SHISA9: variants seen among roughly 807,000 people sequenced by gnomAD.
The protein encoded by SHISA9 is shisa family member 9, also known as protein shisa-9.
Under a neutral mutation model 38.0 loss-of-function variants are expected in SHISA9, and 13 were observed. The ratio of observed to expected loss-of-function variants is 0.34; its 90% CI spans 0.22 to 0.54. The LOEUF is 0.54. Among genes scored for constraint, SHISA9 ranks in the 20% least tolerant of loss-of-function variants. The pLI is 0.91. For missense variants in SHISA9, 538 were observed against 575.8 expected (o/e 0.93, Z 0.67); for synonymous variants, 275 against 242.0 (o/e 1.14, Z -1.27).
intron 2 of SHISA9, among the ~76,000 whole-genome samples, chr16:13,191,488 T>C (rs2050884995): frequency 6.6e-6 from 1 of 152,212 alleles, no homozygotes; most frequent in Non-Finnish European, 1.5e-5. Flanking sequence ...TTACTATGTT[T>C]CAGTGCGTTG....
At chr16:13,176,926 G>A (rs911081871) in intron 2 of SHISA9, among the ~76,000 whole-genome samples, 1 of 152,052 alleles carries the variant, frequency 6.6e-6, no homozygotes, top group Admixed American at 6.5e-5. Flanking sequence ...TCATCTGAGT[G>A]GTTACTCGGA....
intron 1 of SHISA9, among the ~76,000 whole-genome samples, chr16:12,905,020 A>G (rs2071074041): frequency 6.6e-6 from 1 of 152,048 alleles, no homozygotes; most frequent in Non-Finnish European, 1.5e-5. Flanking sequence ...GCCCGATTGC[A>G]TCTGCACCTT....
intron 2 of SHISA9, among the ~76,000 whole-genome samples, chr16:13,006,237 A>G (rs980125448): frequency 2.6e-5 from 4 of 152,194 alleles, no homozygotes; most frequent in African/African-American, 9.7e-5. Flanking sequence ...GACCAGAGTG[A>G]CCTCAGCAAC....
At chr16:13,190,659 G>T (rs1439787108) in intron 2 of SHISA9, among the ~76,000 whole-genome samples, 2 of 152,152 alleles carry the variant, frequency 1.3e-5, no homozygotes, top group Non-Finnish European at 2.9e-5. Context: ...CCATGCTGCG[G>T]ATCTGCCTCC....
chr16:13,114,110 G>A (rs2074006220), intron 2 of SHISA9, among the ~76,000 whole-genome samples: 1 of 152,034 alleles, frequency 6.6e-6, no homozygotes, highest in Non-Finnish European at 1.5e-5. Context: ...CAATATTGAA[G>A]GCTCCCCCAC....
chr16:13,498,198 C>A, the SHISA9 span, among the ~76,000 whole-genome samples: 2 of 151,970 alleles, frequency 1.3e-5, no homozygotes, highest in Non-Finnish European at 2.9e-5. Context: ...CCCTAAATGA[C>A]AAATTGATAC....
At chr16:13,512,664 T>G in the SHISA9 span, among the ~76,000 whole-genome samples, 49 of 152,246 alleles carry the variant, frequency 3.2e-4, no homozygotes, top group African/African-American at 1.1e-3. Context: ...AACAGACATA[T>G]AGACCAGTGG....
chr16:13,349,287 T>A, the SHISA9 span, among the ~76,000 whole-genome samples: 3,229 of 152,318 alleles, frequency 0.021, 58 homozygotes, highest in African/African-American at 0.04. Flanking sequence ...TGTTAACACA[T>A]AGTGACTTGC....
chr16:13,017,859 C>T (rs750623763), intron 2 of SHISA9, among the ~76,000 whole-genome samples: 3 of 152,186 alleles, frequency 2.0e-5, no homozygotes, highest in Non-Finnish European at 2.9e-5. Context: ...GCATTCAATC[C>T]AGAATGTCTT....
the SHISA9 span, among the ~76,000 whole-genome samples, chr16:13,255,098 T>A: frequency 6.6e-6 from 1 of 152,218 alleles, no homozygotes; most frequent in African/African-American, 2.4e-5. Flanking sequence ...AGGACATCAC[T>A]GATGCCTGTT....
the SHISA9 span, among the ~76,000 whole-genome samples, chr16:13,388,923 A>T: frequency 6.6e-6 from 1 of 152,148 alleles, no homozygotes; most frequent in Non-Finnish European, 1.5e-5. Flanking sequence ...TTTTATAGAC[A>T]TTATTTTTTG....
the SHISA9 span, chr16:13,458,291 G>A: frequency 4.0e-6 from 1 of 252,810 alleles, no homozygotes; most frequent in South Asian, 4.4e-5. Context: ...GCTCTCAGGG[G>A]ATCATGGGAG....
chr16:13,362,178 A>G, the SHISA9 span, among the ~76,000 whole-genome samples: 166 of 151,212 alleles, frequency 1.1e-3, 1 homozygote, highest in African/African-American at 3.8e-3. Flanking sequence ...AGCCTGGGCA[A>G]CATAGCAAGA....
chr16:13,151,296 G>A (rs2050497175), intron 2 of SHISA9, among the ~76,000 whole-genome samples: 1 of 151,954 alleles, frequency 6.6e-6, no homozygotes. Flanking sequence ...TAGTAGAGAT[G>A]GGGTTTCACC....
intron 2 of SHISA9, among the ~76,000 whole-genome samples, chr16:13,057,648 T>A (rs2073325990): frequency 6.6e-6 from 1 of 152,190 alleles, no homozygotes; most frequent in Admixed American, 6.5e-5. Context: ...ACTTTTTTAT[T>A]TTTAATTTAA....
chr16:13,103,424 T>C (rs555790570), intron 2 of SHISA9, among the ~76,000 whole-genome samples: 157 of 152,312 alleles, frequency 1.0e-3, no homozygotes, highest in African/African-American at 3.7e-3. Context: ...TCACAGAGTG[T>C]CCTTAATGTC....
At chr16:13,540,694 A>C in the SHISA9 span, among the ~76,000 whole-genome samples, 1 of 152,182 alleles carries the variant, frequency 6.6e-6, no homozygotes, top group East Asian at 1.9e-4. Context: ...GACATTCCTC[A>C]TCCTTAAATT....
chr16:13,427,822 A>G, the SHISA9 span, among the ~76,000 whole-genome samples: 1 of 152,232 alleles, frequency 6.6e-6, no homozygotes, highest in Non-Finnish European at 1.5e-5. Flanking sequence ...ACCCACAACT[A>G]GAAAATGCAC....
chr16:13,460,166 C>T, the SHISA9 span, among the ~76,000 whole-genome samples: 1 of 152,196 alleles, frequency 6.6e-6, no homozygotes, highest in Non-Finnish European at 1.5e-5. Context: ...ATCCTGGATT[C>T]ATGGCAAATA....
Sources: allele counts gnomAD v4.1 joint callset (sites outside exome capture counted in the v4.1 genomes callset), GRCh38; gene constraint gnomAD v4.1.1; transcripts MANE v1.5; gene names NCBI Gene and HGNC (gene_info 2026-07-23, HGNC 2026-07-21).